Variants in TMEM120A observed in about 807,000 individuals in gnomAD.
TMEM120A encodes ion channel TACAN.
A neutral mutation model predicts 54.3 loss-of-function variants in TMEM120A; 45 were observed. That is an observed-to-expected ratio of 0.83 (90% confidence interval 0.65 to 1.06). The LOEUF (loss-of-function observed/expected upper bound fraction) is 1.06, where lower values mean the gene tolerates loss of function less well. Ranked by LOEUF, TMEM120A falls within the 50% of genes least tolerant of loss-of-function variation. The pLI is 0.00. For synonymous variants in TMEM120A, 204 were observed against 178.5 expected, an observed-to-expected ratio of 1.14 and a Z score of -1.14; for missense variants, 424 against 441.7, an observed-to-expected ratio of 0.96 and a Z score of 0.36.
At chr7:75,994,363 C>A in intron 1 of TMEM120A, 127 bp downstream of exon 1, 1 of 783,844 alleles carries the variant, frequency 1.3e-6, no homozygotes, top group Non-Finnish European at 2.0e-6. Context: ...CCCCCCTTGG[C>A]AGTGACGCCA....
At chr7:75,993,675 G>A (rs1160282084) in intron 1 of TMEM120A, among the ~76,000 whole-genome samples, 6 of 152,224 alleles carry the variant, frequency 3.9e-5, no homozygotes, top group African/African-American at 1.4e-4. Context: ...CAGCTGGCCA[G>A]GGCTCTACTC....
chr7:75,986,992 G>T lies in TMEM120A; in HGVS notation c.*180C>A, dbSNP rs1554559729. ...GAACACACACGCTCAGGCCACCTCT[G>T]GGCCTCTCTTTATTGAGGGCACTGG... On this transcript the variant is annotated 3_prime_UTR_variant, in exon 12 of 12. Transcript: ENST00000493111. 1.6e-6 allele frequency: 1 copy of T among 626,660 alleles called. No homozygotes were observed. The highest frequency in any genetic ancestry group is 2.9e-5 in the Admixed American group (1 of 34,232). The allele number at this position is 626,660 out of a possible 1,614,324, so 38.8% of individuals were successfully genotyped here.
At chr7:75,991,285 G>C (rs559699080) in intron 3 of TMEM120A, among the ~76,000 whole-genome samples, 36 of 152,234 alleles carry the variant, frequency 2.4e-4, no homozygotes, top group Non-Finnish European at 4.4e-4. Flanking sequence ...CAAAGCCTCT[G>C]ATCTCTTGGC....
Position 75,988,015 on chromosome 7 carries a change from A to G in TMEM120A, c.630-31T>C, listed in dbSNP as rs781895810. The G allele has an allele frequency of 1.1e-5, 18 of 1,594,638 alleles. No individual in the cohort carries two copies. The Admixed American group carries it at 1.9e-4, about 17-fold the overall frequency. ...GTAAAAAGTGGAGGGCAGTGTGGGG[A>G]CCCTTGGGGATGCCGTGTATCCCCT... On this transcript the variant is annotated intron_variant, in intron 7 of 11. Transcript: ENST00000493111.
intron 7 of TMEM120A, 23 bp from the exon 8 acceptor site, chr7:75,988,007 G>A (rs782452757): frequency 4.4e-6 from 7 of 1,596,926 alleles, no homozygotes; most frequent in Non-Finnish European, 8.5e-7. Flanking sequence ...GTGGAGGGCA[G>A]TGTGGGGACC....
At chr7:75,987,864 G>A (rs1585139798) in intron 8 of TMEM120A, 54 bp from the exon 9 acceptor site, 1 of 1,598,864 alleles carries the variant, frequency 6.3e-7, no homozygotes, top group Non-Finnish European at 8.5e-7. Context: ...GGGGTTCCCT[G>A]CCCCTGCCCC....
intron 3 of TMEM120A, among the ~76,000 whole-genome samples, chr7:75,990,897 CAAAAAAA>C (rs782090391): frequency 1.1e-4 from 5 of 45,580 alleles, no homozygotes; most frequent in African/African-American, 3.5e-4. Context: ...GACTCTGTCT[CAAAAAAA>C]AAAAAAAAAA....
chr7:75,989,301 C>CTCTGGCCTGG, intron 3 of TMEM120A, 77 bp from the exon 4 acceptor site: 8 of 1,009,946 alleles, frequency 7.9e-6, no homozygotes, highest in Non-Finnish European at 1.1e-5. Flanking sequence ...GCCTGCCAGG[C>CTCTGGCCTGG]CAGAGCCTGG....
In TMEM120A at chr7:75,994,406, G is replaced by T. The variant is rs897034343; in HGVS notation, c.81+84C>A. On this transcript the variant is annotated intron_variant, in intron 1 of 11. Coordinates refer to ENST00000493111, the MANE Select transcript of TMEM120A (RefSeq NM_031925.3). ...GACCCCTGACCCTTAGCTCCCCACTGCCTGACCCAGGGCTGCCCGACCCTT... is the reference window on the plus strand; with the variant it reads ...GACCCCTGACCCTTAGCTCCCCACTTCCTGACCCAGGGCTGCCCGACCCTT... 7 of 1,303,614 alleles carry T rather than the reference G, an allele frequency of 5.4e-6. No homozygotes were observed. The African/African-American group carries it at 7.5e-5, about 14-fold the overall frequency. 80.8% of individuals were successfully genotyped at this position (1,303,614 alleles called of 1,614,324 possible).
chr7:75,993,851 G>A (rs1227550142), intron 1 of TMEM120A, among the ~76,000 whole-genome samples: 1 of 152,128 alleles, frequency 6.6e-6, no homozygotes, highest in Non-Finnish European at 1.5e-5. Context: ...GTGGCCCTGG[G>A]GAGCTCAGTC....
At position 75,992,334 on chromosome 7, in the gene TMEM120A, G is replaced by A. The variant is rs1436945769; in HGVS notation, c.201-74C>T. 6.4e-6 allele frequency: 10 copies of A among 1,553,926 alleles called. No homozygotes were observed. In the East Asian group the frequency reaches 2.0e-4, roughly 32 times the overall value. ...CTCCCTGACTCCCACAGGGGCAGAAGGGCAAACAGGGCCCAGAGAGGGGAG... is the reference window on the plus strand; with the variant it reads ...CTCCCTGACTCCCACAGGGGCAGAAAGGCAAACAGGGCCCAGAGAGGGGAG... On this transcript the variant is annotated intron_variant, in intron 2 of 11. Coordinates refer to ENST00000493111, the MANE Select transcript of TMEM120A (RefSeq NM_031925.3).
At chr7:75,994,238 T>G (rs1400479688) in intron 1 of TMEM120A, among the ~76,000 whole-genome samples, 1 of 152,188 alleles carries the variant, frequency 6.6e-6, no homozygotes, top group African/African-American at 2.4e-5. Context: ...GGTCGGGGTC[T>G]GGGCCCCTTT....
At chr7:75,992,601 T>G in intron 1 of TMEM120A, 44 bp from the exon 2 acceptor site, 1 of 1,441,062 alleles carries the variant, frequency 6.9e-7, no homozygotes, top group Non-Finnish European at 9.4e-7. Context: ...GGGGAGCTAC[T>G]GAGCCAGAGC....
In TMEM120A at chr7:75,992,264, C is replaced by A; in HGVS notation, c.201-4G>T. On this transcript the variant is annotated splice_region_variant and splice_polypyrimidine_tract_variant and intron_variant, in intron 2 of 11. Transcript: ENST00000493111. The stretch of plus-strand genomic sequence containing the variant: ...TGCTGGGAGGGAGGGTTTGCATCTG[C>A]GGGTAAGGCCAGAAACAGTCAGGGC... 2 of 1,600,870 alleles carry A rather than the reference C, an allele frequency of 1.2e-6. No homozygotes were observed. Among genetic ancestry groups the A allele is most frequent in the African/African-American group, 1.3e-5 (1 of 74,590 alleles).
intron 4 of TMEM120A, 121 bp from the exon 5 acceptor site, chr7:75,988,637 G>A (rs560843871): frequency 1.9e-5 from 5 of 263,972 alleles, no homozygotes; most frequent in South Asian, 1.3e-4. Flanking sequence ...TTGGGGGGTG[G>A]AGGGGAAGGC....
chr7:75,988,284 G>C lies in TMEM120A; in HGVS notation c.531C>G (p.Ile177Met). 1 of 1,612,226 alleles carries C rather than the reference G, an allele frequency of 6.2e-7. No individual in the cohort carries two copies. The highest frequency in any genetic ancestry group is 1.1e-5 in the South Asian group (1 of 91,074). ...LLVWYYCTLT[I>M]RESILINNGS... ...CGTTGTTGATGAGGATGCTCTCCCG[G>C]ATGGTCAGGGTGCAGTAGTACCAGA... Residue 177 changes from isoleucine (I) to methionine (M), a missense_variant, in exon 6 of 12, where the codon ATC becomes ATG. Transcript: ENST00000493111.
intron 3 of TMEM120A, among the ~76,000 whole-genome samples, chr7:75,991,075 C>T (rs1249822843): frequency 6.6e-6 from 1 of 152,036 alleles, no homozygotes; most frequent in African/African-American, 2.4e-5. Flanking sequence ...GCTACGGACA[C>T]TCCTTTCTTC....
rs145846622 is a variant in TMEM120A at position 75,990,235 on chromosome 7, C to G, written c.318-1011G>C. Among the ~76,000 whole-genome samples, 684 of 152,268 alleles carry G rather than the reference C, an allele frequency of 4.5e-3. 7 individuals carry two copies. The highest frequency in any genetic ancestry group is 0.015 in the African/African-American group (638 of 41,544). ...CACATCCTCTCCCCGAAACCCTCTA[C>G]CCTGTCTCCTCCCACCTCGGGCCCC... On this transcript the variant is annotated intron_variant, in intron 3 of 11. Transcript: ENST00000493111.
At position 75,987,411 on chromosome 7, in the gene TMEM120A, G is replaced by GT. The variant is rs1371188599; in HGVS notation, c.866dup (p.Asn289LysfsTer103). 6.4e-7 allele frequency: 1 copy of GT among 1,563,542 alleles called. No homozygotes were observed. Among genetic ancestry groups the GT allele is most frequent in the Admixed American group, 1.9e-5 (1 of 52,566 alleles). ...GGGCCAGGTTGAACAACGTCAGCGC[G>GT]TTAAAAAGCTGCCAGAACTAAGCAG... On this transcript the variant is annotated frameshift_variant, in exon 11 of 12. Coordinates refer to ENST00000493111, the MANE Select transcript of TMEM120A (RefSeq NM_031925.3). LOFTEE classifies it high-confidence loss of function.
Sources: allele counts gnomAD v4.1 joint callset (sites outside exome capture counted in the v4.1 genomes callset), GRCh38; gene constraint gnomAD v4.1.1; transcripts MANE v1.5; gene names NCBI Gene and HGNC (gene_info 2026-07-23, HGNC 2026-07-21).